The following WHRN variants were observed in gnomAD, a reference collection of about 807,000 sequenced individuals.
WHRN encodes whirlin.
Under a neutral mutation model 68.3 loss-of-function variants are expected in WHRN, and 41 were observed. The ratio of observed to expected loss-of-function variants is 0.60; its 90% CI spans 0.47 to 0.78. The LOEUF is 0.78. WHRN is among the 30% of genes least tolerant of loss of function. The probability of loss-of-function intolerance (pLI) is 0.00; values close to 1 mark genes in which losing one functional copy is unlikely to be tolerated. For synonymous variants in WHRN, 560 were observed against 561.3 expected (o/e 1.00, Z 0.03); for missense variants, 1,243 against 1,244.7 (o/e 1.00, Z 0.02).
At chr9:114,490,922 C>T (rs901444912) in intron 1 of WHRN, among the ~76,000 whole-genome samples, 9 of 152,186 alleles carry the variant, frequency 5.9e-5, no homozygotes, top group African/African-American at 2.2e-4. Flanking sequence ...TTCAATTATC[C>T]TCAAAGCCTG....
rs751990191 is a variant in WHRN at position 114,504,817 on chromosome 9, C to T, written c.-16G>A. ...GCGCGTTCATCTCCACGCCGAGGCC[C>T]GGCCGGGCTCTGAGCGCGCGGGGTG... On this transcript the variant is annotated 5_prime_UTR_variant, in exon 1 of 12. Transcript: ENST00000362057. 4.3e-6 allele frequency: 6 copies of T among 1,392,614 alleles called. No individual in the cohort carries two copies. Among genetic ancestry groups the T allele is most frequent in the African/African-American group, 1.5e-5 (1 of 65,556 alleles). 86.3% of individuals were successfully genotyped at this position (1,392,614 alleles called of 1,614,324 possible).
intron 1 of WHRN, among the ~76,000 whole-genome samples, chr9:114,490,472 C>T (rs948002446): frequency 2.0e-5 from 3 of 152,030 alleles, no homozygotes; most frequent in Non-Finnish European, 4.4e-5. Context: ...TAAAAACCAA[C>T]GGCTGGATAG....
At position 114,491,617 on chromosome 9, in the gene WHRN, C is replaced by T. The variant is rs915394106; in HGVS notation, c.618+12567G>A. 5.5e-5 allele frequency: 12 copies of T among 219,560 alleles called. No homozygotes were observed. In the South Asian group the frequency reaches 6.4e-4, roughly 12 times the overall value. 13.6% of individuals were successfully genotyped at this position (219,560 alleles called of 1,614,324 possible). On this transcript the variant is annotated intron_variant, in intron 1 of 11. Transcript: ENST00000362057. The stretch of plus-strand genomic sequence containing the variant: ...ACCAGAAGAGTATGAAAAAGCAGAG[C>T]GCGCCTCGGTTAAGGGAAAGCACCA...
chr9:114,405,819 G>A (rs548739650), intron 9 of WHRN, among the ~76,000 whole-genome samples: 17 of 152,360 alleles, frequency 1.1e-4, no homozygotes, highest in African/African-American at 3.6e-4. Flanking sequence ...CTTTCAGGGT[G>A]GGGAGGCAGG....
chr9:114,447,450 A>T lies in WHRN; in HGVS notation c.963+18817T>A, dbSNP rs73656105. On this transcript the variant is annotated intron_variant, in intron 3 of 11. Transcript: ENST00000362057. ...ACAAAGTGCCCAGAATACTGCCTGT[A>T]CATCAGAGATGTTAATTGTTATCCA... 9.3e-3 allele frequency among the ~76,000 whole-genome samples: 1,419 copies of T among 152,336 alleles called. 23 individuals carry two copies. Among genetic ancestry groups the T allele is most frequent in the African/African-American group, 0.033 (1,363 of 41,544 alleles).
intron 3 of WHRN, among the ~76,000 whole-genome samples, chr9:114,430,236 G>A (rs1437036359): frequency 6.6e-6 from 1 of 152,180 alleles, no homozygotes; most frequent in Non-Finnish European, 1.5e-5. Context: ...GAGCATCGAC[G>A]TGGCCTTCTA....
At chr9:114,405,801 C>T (rs1171986230) in intron 9 of WHRN, among the ~76,000 whole-genome samples, 2 of 152,260 alleles carry the variant, frequency 1.3e-5, no homozygotes, top group Non-Finnish European at 2.9e-5. Flanking sequence ...CAGGCGGGAG[C>T]TCCACAGCTT....
intron 1 of WHRN, among the ~76,000 whole-genome samples, chr9:114,489,503 C>CAT (rs748580753): frequency 3.2e-3 from 6 of 1,860 alleles, no homozygotes; most frequent in Admixed American, 0.023. Context: ...CACACACACA[C>CAT]GCACACACGC....
intron 1 of WHRN, among the ~76,000 whole-genome samples, chr9:114,494,792 G>A (rs1555701): frequency 0.95 from 144,174 of 152,288 alleles, 68,602 homozygotes; most frequent in Non-Finnish European, 1. Flanking sequence ...GTTTATACAC[G>A]TACACTGAAA....
intron 1 of WHRN, among the ~76,000 whole-genome samples, chr9:114,486,293 G>T (rs1011526639): frequency 6.6e-6 from 1 of 151,886 alleles, no homozygotes. Context: ...CCTTTCCCAC[G>T]ACCTCCAGAA....
intron 2 of WHRN, among the ~76,000 whole-genome samples, chr9:114,473,983 T>C (rs1398149881): frequency 3.9e-5 from 6 of 152,148 alleles, no homozygotes; most frequent in Admixed American, 2.6e-4. Context: ...AAAGACCCCA[T>C]GGCAACACAC....
intron 1 of WHRN, among the ~76,000 whole-genome samples, chr9:114,492,090 A>T (rs1003049988): frequency 6.6e-6 from 1 of 151,922 alleles, no homozygotes; most frequent in Non-Finnish European, 1.5e-5. Flanking sequence ...TGTCTAACAG[A>T]TTGATAAAAA....
intron 7 of WHRN, among the ~76,000 whole-genome samples, chr9:114,413,052 A>G (rs1267072341): frequency 6.6e-6 from 1 of 152,184 alleles, no homozygotes; most frequent in African/African-American, 2.4e-5. Context: ...CCCATCCCAA[A>G]ATGCACCAGA....
chr9:114,471,888 G>C (rs756014632), intron 2 of WHRN, among the ~76,000 whole-genome samples: 14 of 152,196 alleles, frequency 9.2e-5, no homozygotes, highest in Non-Finnish European at 2.1e-4. Flanking sequence ...CTTTGGGCAC[G>C]GTTGTGAGAG....
At chr9:114,405,973 C>T (rs1336650637) in intron 9 of WHRN, among the ~76,000 whole-genome samples, 2 of 152,262 alleles carry the variant, frequency 1.3e-5, no homozygotes, top group Non-Finnish European at 2.9e-5. Flanking sequence ...CCAGCATCTA[C>T]TCCAGGCCAG....
In WHRN at chr9:114,423,000, C is replaced by G. The variant is rs141933507; in HGVS notation, c.1626+314G>C. Among the ~76,000 whole-genome samples, 69 of 152,126 alleles carry G rather than the reference C, an allele frequency of 4.5e-4. 1 individual carries two copies. The highest frequency in any genetic ancestry group is 3.4e-3 in the Middle Eastern group (1 of 294). ...AGGCATTCCCAAGGATTCTAATGAT[C>G]TTTTTCTATTTGCCTAATTTACCTA... On this transcript the variant is annotated intron_variant, in intron 7 of 11. Transcript: ENST00000362057.
intron 3 of WHRN, among the ~76,000 whole-genome samples, chr9:114,441,977 C>T (rs888013586): frequency 9.8e-5 from 15 of 152,286 alleles, no homozygotes; most frequent in East Asian, 5.8e-4. Flanking sequence ...ACTAACATCA[C>T]GGGACCCACC....
At chr9:114,429,903 C>G (rs139333901) in intron 3 of WHRN, among the ~76,000 whole-genome samples, 3 of 152,336 alleles carry the variant, frequency 2.0e-5, no homozygotes, top group South Asian at 4.1e-4. Flanking sequence ...ACCACCTCCC[C>G]ACGTGGCAGC....
chr9:114,427,279 A>G (rs896797216), intron 3 of WHRN, among the ~76,000 whole-genome samples: 3 of 152,228 alleles, frequency 2.0e-5, no homozygotes, highest in Non-Finnish European at 4.4e-5. Context: ...ACTTTTAATG[A>G]AGGAATGTAA....
Sources: allele counts gnomAD v4.1 joint callset (sites outside exome capture counted in the v4.1 genomes callset), GRCh38; gene constraint gnomAD v4.1.1; transcripts MANE v1.5; gene names NCBI Gene and HGNC (gene_info 2026-07-23, HGNC 2026-07-21).